The following EHBP1 variants were observed in gnomAD, a reference collection of about 807,000 sequenced individuals.
The protein encoded by EHBP1 is EH domain-binding protein 1.
A neutral mutation model predicts 144.0 loss-of-function variants in EHBP1; 55 were observed. The ratio of observed to expected loss-of-function variants is 0.38; its 90% CI spans 0.31 to 0.48. The LOEUF is 0.48. EHBP1 is among the 20% of genes least tolerant of loss of function. EHBP1 has a pLI of 0.98. For missense variants in EHBP1, 1,200 were observed against 1,364.2 expected, an observed-to-expected ratio of 0.88 and a Z score of 1.90; for synonymous variants, 469 against 472.7, an observed-to-expected ratio of 0.99 and a Z score of 0.10.
rs543371935 is a variant in EHBP1, at chr2:62,973,944, G to A, written c.2461-5244G>A. Among the ~76,000 whole-genome samples the A allele has an allele frequency of 1.1e-4, 17 of 152,218 alleles. 1 individual carries two copies. The South Asian group carries it at 2.1e-3, about 19-fold the overall frequency. On this transcript the variant is annotated intron_variant, in intron 14 of 22. Coordinates refer to ENST00000431489, the MANE Select transcript of EHBP1 (RefSeq NM_001142616.3). ...AATCACCTGAGCCTGGGGAGGTCAC[G>A]GTTGCGGTTAGCTATGATTGCACCA...
At chr2:62,733,720 C>A (rs1245149332) in intron 2 of EHBP1, among the ~76,000 whole-genome samples, 1 of 152,156 alleles carries the variant, frequency 6.6e-6, no homozygotes, top group African/African-American at 2.4e-5. Flanking sequence ...GCATTTTTAT[C>A]CAGTCTGCAC....
chr2:62,819,482 G>A (rs1027983398), intron 5 of EHBP1, among the ~76,000 whole-genome samples: 1 of 152,196 alleles, frequency 6.6e-6, no homozygotes, highest in African/African-American at 2.4e-5. Context: ...CTGCAGCCGG[G>A]CACAGTGGCT....
intron 1 of EHBP1, among the ~76,000 whole-genome samples, chr2:62,682,588 T>C (rs969041191): frequency 3.3e-5 from 5 of 152,192 alleles, no homozygotes; most frequent in African/African-American, 1.2e-4. Flanking sequence ...TAGCATGTGA[T>C]AAACTGATTG....
At chr2:62,688,640 C>T (rs974671797) in intron 1 of EHBP1, among the ~76,000 whole-genome samples, 2 of 152,048 alleles carry the variant, frequency 1.3e-5, no homozygotes, top group Non-Finnish European at 2.9e-5. Context: ...CTTATGCTTC[C>T]CAGCCTCTAG....
chr2:62,893,657 A>G (rs571594258), intron 10 of EHBP1, among the ~76,000 whole-genome samples: 1 of 152,346 alleles, frequency 6.6e-6, no homozygotes, highest in African/African-American at 2.4e-5. Context: ...GCAGAAAAAT[A>G]TTGATCACTA....
At position 62,900,137 on chromosome 2, in the gene EHBP1, T is replaced by A. The variant is rs59733877; in HGVS notation, c.1185+25605T>A. ...TTTAAGGGTTCTATGGTGCATTAAC[T>A]ACTAGACCCAAGCTTGGAGAAACAC... On this transcript the variant is annotated intron_variant, in intron 10 of 22. Coordinates refer to ENST00000431489, the MANE Select transcript of EHBP1 (RefSeq NM_001142616.3). 2.6e-4 allele frequency among the ~76,000 whole-genome samples: 39 copies of A among 152,324 alleles called. No homozygotes were observed. In the East Asian group the frequency reaches 6.8e-3, roughly 26 times the overall value.
chr2:62,888,477 G>A (rs1268251623), intron 10 of EHBP1, among the ~76,000 whole-genome samples: 3 of 152,118 alleles, frequency 2.0e-5, no homozygotes, highest in Non-Finnish European at 2.9e-5. Context: ...TCAGTATATC[G>A]TGAAGTAACT....
chr2:62,746,672 G>C (rs1002002274), intron 2 of EHBP1, among the ~76,000 whole-genome samples: 1 of 151,946 alleles, frequency 6.6e-6, no homozygotes, highest in African/African-American at 2.4e-5. Flanking sequence ...TCGTTAAAAG[G>C]AATGGGAAAA....
chr2:62,973,092 C>G (rs2058567080), intron 14 of EHBP1, among the ~76,000 whole-genome samples: 1 of 152,142 alleles, frequency 6.6e-6, no homozygotes, highest in Admixed American at 6.5e-5. Flanking sequence ...AAATTGCACT[C>G]TTGGTAAGCT....
In EHBP1 at chr2:62,877,901, G is replaced by C. The variant is rs7585883; in HGVS notation, c.1185+3369G>C. Reference sequence around the variant, plus strand: ...GTTAGAAAGGTCTCAAATTAACAACGTTATACCACACCTAGAGGAACTAGG... The same window carrying C: ...GTTAGAAAGGTCTCAAATTAACAACCTTATACCACACCTAGAGGAACTAGG... On this transcript the variant is annotated intron_variant, in intron 10 of 22. Coordinates refer to ENST00000431489, the MANE Select transcript of EHBP1 (RefSeq NM_001142616.3). Among the ~76,000 whole-genome samples the C allele has an allele frequency of 4.9e-4, 74 of 152,174 alleles. 1 individual carries two copies. Among genetic ancestry groups the C allele is most frequent in the African/African-American group, 1.6e-3 (66 of 41,532 alleles).
intron 10 of EHBP1, among the ~76,000 whole-genome samples, chr2:62,913,203 C>T (rs1254991259): frequency 2.6e-5 from 4 of 152,100 alleles, no homozygotes; most frequent in Non-Finnish European, 5.9e-5. Flanking sequence ...TTTTTTAAAG[C>T]ATTTATGTTT....
intron 2 of EHBP1, among the ~76,000 whole-genome samples, chr2:62,745,275 AATAAT>A (rs2039045122): frequency 1.3e-5 from 2 of 152,084 alleles, no homozygotes; most frequent in Non-Finnish European, 2.9e-5. Context: ...GAGAGACAGA[AATAAT>A]AAATACTTAC....
chr2:62,817,478 C>G (rs975083059), intron 5 of EHBP1, among the ~76,000 whole-genome samples: 2 of 152,074 alleles, frequency 1.3e-5, no homozygotes, highest in Non-Finnish European at 2.9e-5. Context: ...GGAACAATAG[C>G]ATAGTAGATA....
intron 14 of EHBP1, among the ~76,000 whole-genome samples, chr2:62,959,238 A>C (rs770629246): frequency 2.6e-4 from 40 of 152,148 alleles, no homozygotes; most frequent in Non-Finnish European, 5.1e-4. Flanking sequence ...ATGGTATTCC[A>C]CTGTATATGT....
intron 5 of EHBP1, among the ~76,000 whole-genome samples, chr2:62,799,035 G>A: frequency 6.7e-6 from 1 of 148,284 alleles, no homozygotes. Context: ...AGAAATTCAT[G>A]CTATAGGAAA....
intron 10 of EHBP1, among the ~76,000 whole-genome samples, chr2:62,939,495 G>A (rs1353369990): frequency 1.2e-4 from 18 of 152,016 alleles, no homozygotes; most frequent in Admixed American, 1.2e-3. Flanking sequence ...GGCCAGTCTC[G>A]AACTCCTGAC....
At chr2:63,019,701 C>A (rs1370079017) in intron 19 of EHBP1, among the ~76,000 whole-genome samples, 1 of 131,050 alleles carries the variant, frequency 7.6e-6, no homozygotes. Flanking sequence ...AGCGAGACTC[C>A]ATCTCAAAAA....
At chr2:62,992,614 G>A (rs1424749487) in intron 16 of EHBP1, among the ~76,000 whole-genome samples, 1 of 152,066 alleles carries the variant, frequency 6.6e-6, no homozygotes. Flanking sequence ...TTAATAAAAT[G>A]CAGTTTACAC....
intron 12 of EHBP1, among the ~76,000 whole-genome samples, chr2:62,947,746 A>C (rs2153087903): frequency 6.6e-6 from 1 of 152,222 alleles, no homozygotes; most frequent in South Asian, 2.1e-4. Context: ...AAATGAAGTC[A>C]CTCTTTTCAT....
Sources: allele counts gnomAD v4.1 joint callset (sites outside exome capture counted in the v4.1 genomes callset), GRCh38; gene constraint gnomAD v4.1.1; transcripts MANE v1.5; gene names NCBI Gene and HGNC (gene_info 2026-07-23, HGNC 2026-07-21).